The following SLC4A4 variants were observed in gnomAD, a reference collection of about 807,000 sequenced individuals.
The protein encoded by SLC4A4 is electrogenic sodium bicarbonate cotransporter 1.
SLC4A4 carries 27 observed loss-of-function variants against 111.5 expected under a neutral mutation model. That is an observed-to-expected ratio of 0.24 (90% CI 0.18 to 0.33). The LOEUF is 0.33. SLC4A4 is among the 10% of genes least tolerant of loss of function. The pLI is 1.00. For synonymous variants in SLC4A4, 443 were observed against 463.4 expected (o/e 0.96, Z 0.57); for missense variants, 909 against 1,315.5 (o/e 0.69, Z 4.78).
intron 1 of SLC4A4, among the ~76,000 whole-genome samples, chr4:71,200,683 A>G (rs1036451920): frequency 2.6e-5 from 4 of 152,156 alleles, no homozygotes; most frequent in Non-Finnish European, 4.4e-5. Context: ...GAGTGGAAGG[A>G]TATGAAAGGA....
At chr4:71,368,623 C>T (rs1716549224) in intron 6 of SLC4A4, among the ~76,000 whole-genome samples, 1 of 152,198 alleles carries the variant, frequency 6.6e-6, no homozygotes. Flanking sequence ...GCCCCCTGTG[C>T]TTTACAAAGC....
chr4:71,538,885 G>T (rs1734797170), intron 18 of SLC4A4, among the ~76,000 whole-genome samples: 1 of 152,050 alleles, frequency 6.6e-6, no homozygotes, highest in Non-Finnish European at 1.5e-5. Flanking sequence ...GCAAGGTCAT[G>T]ATTCCTTTAA....
At chr4:71,180,208 G>A (rs1745243826) in intron 2 of SLC4A4, among the ~76,000 whole-genome samples, 1 of 152,166 alleles carries the variant, frequency 6.6e-6, no homozygotes, top group Non-Finnish European at 1.5e-5. Flanking sequence ...ATTCAAGATG[G>A]ATTAAGGACT....
chr4:71,229,929 A>C (rs1719305234), intron 1 of SLC4A4, among the ~76,000 whole-genome samples: 1 of 150,946 alleles, frequency 6.6e-6, no homozygotes, highest in African/African-American at 2.4e-5. Context: ...ATGGCAGTGC[A>C]CTTTGCAGCC....
chr4:71,131,409 C>T (rs961820357), intron 2 of SLC4A4, among the ~76,000 whole-genome samples: 2 of 152,130 alleles, frequency 1.3e-5, no homozygotes, highest in Non-Finnish European at 2.9e-5. Flanking sequence ...AACTGCGTGA[C>T]TTAAACAGAT....
chr4:71,309,882 C>T lies in SLC4A4; in HGVS notation c.254-29488C>T, dbSNP rs150528595. 5.5e-3 allele frequency among the ~76,000 whole-genome samples: 840 copies of T among 151,994 alleles called. 9 individuals are homozygous for T. The highest frequency in any genetic ancestry group is 0.017 in the African/African-American group (717 of 41,434). ...TCAGAAAGTGGGTAATAATAAACCC[C>T]TCTGAGCTAAAGAAGCATGTTCTAA... On this transcript the variant is annotated intron_variant, in intron 3 of 25. Transcript: ENST00000264485.
intron 3 of SLC4A4, among the ~76,000 whole-genome samples, chr4:71,315,157 T>G (rs1726580057): frequency 6.6e-6 from 1 of 152,156 alleles, no homozygotes; most frequent in Admixed American, 6.6e-5. Context: ...TGACTTCTTT[T>G]AGGTTTCTTC....
chr4:71,536,457 C>CTTGTAT, intron 18 of SLC4A4, among the ~76,000 whole-genome samples: 2 of 31,406 alleles, frequency 6.4e-5, no homozygotes, highest in Non-Finnish European at 1.3e-4. Context: ...TACATATATA[C>CTTGTAT]ATATATACAT....
At chr4:71,186,592 C>T (rs1745458047), upstream of SLC4A4, among the ~76,000 whole-genome samples, 1 of 151,610 alleles carries the variant, frequency 6.6e-6, no homozygotes, top group African/African-American at 2.4e-5. Context: ...CCCAAGCCCC[C>T]GGCGGAGGCG....
chr4:71,155,880 T>A (rs1221363078), intron 2 of SLC4A4, among the ~76,000 whole-genome samples: 3 of 152,224 alleles, frequency 2.0e-5, no homozygotes, highest in African/African-American at 7.2e-5. Context: ...CTGTATTTTT[T>A]AAAAGTCCAT....
chr4:71,210,435 T>G (rs975208954), intron 1 of SLC4A4, among the ~76,000 whole-genome samples: 2 of 152,262 alleles, frequency 1.3e-5, no homozygotes, highest in Admixed American at 1.3e-4. Flanking sequence ...TTGAAGAAAG[T>G]AAATGTCTTC....
intron 1 of SLC4A4, among the ~76,000 whole-genome samples, chr4:71,204,855 C>T (rs1032650467): frequency 5.3e-5 from 8 of 152,018 alleles, no homozygotes; most frequent in Non-Finnish European, 1.2e-4. Flanking sequence ...TGAGGATGAA[C>T]TTATATAAAA....
At chr4:71,110,318 G>C (rs965709106) in intron 2 of SLC4A4, among the ~76,000 whole-genome samples, 4 of 152,122 alleles carry the variant, frequency 2.6e-5, no homozygotes, top group Non-Finnish European at 5.9e-5. Flanking sequence ...AGGCTCAAGA[G>C]ATCTTCCCAC....
At chr4:71,440,052 T>C (rs972250569) in intron 7 of SLC4A4, among the ~76,000 whole-genome samples, 1 of 152,068 alleles carries the variant, frequency 6.6e-6, no homozygotes, top group African/African-American at 2.4e-5. Context: ...AGAATGTTCT[T>C]TCCTCCAATT....
intron 18 of SLC4A4, among the ~76,000 whole-genome samples, chr4:71,540,328 T>C (rs547535617): frequency 3.9e-5 from 6 of 152,290 alleles, no homozygotes; most frequent in African/African-American, 1.4e-4. Flanking sequence ...CTAGTCTTTT[T>C]CTTTCATAGA....
At chr4:71,547,291 G>T (rs1205313387) in intron 19 of SLC4A4, among the ~76,000 whole-genome samples, 6 of 151,920 alleles carry the variant, frequency 3.9e-5, no homozygotes, top group Middle Eastern at 6.8e-3. Flanking sequence ...AAGGTGTAAG[G>T]GTAATTACAC....
chr4:71,562,626 A>C (rs1436086009), intron 23 of SLC4A4, among the ~76,000 whole-genome samples: 1 of 147,332 alleles, frequency 6.8e-6, no homozygotes, highest in East Asian at 2.0e-4. Context: ...CCATCCCTTT[A>C]TTTTGAGCCT....
intron 2 of SLC4A4, among the ~76,000 whole-genome samples, chr4:71,111,646 C>G (rs528287079): frequency 1.2e-4 from 18 of 146,826 alleles, no homozygotes; most frequent in South Asian, 1.1e-3. Context: ...CTTGGCCTCC[C>G]AAAGTGCTGG....
chr4:71,078,454 T>A (rs1158250202), intron 1 of SLC4A4, among the ~76,000 whole-genome samples: 1 of 152,138 alleles, frequency 6.6e-6, no homozygotes, highest in Non-Finnish European at 1.5e-5. Flanking sequence ...AAGAGAATTA[T>A]CAATTCAAGC....
Sources: allele counts gnomAD v4.1 joint callset (sites outside exome capture counted in the v4.1 genomes callset), GRCh38; gene constraint gnomAD v4.1.1; transcripts MANE v1.5; gene names NCBI Gene and HGNC (gene_info 2026-07-23, HGNC 2026-07-21).